Variants in UNC13C observed in about 807,000 individuals in gnomAD.
UNC13C encodes the protein unc-13 homolog C, also known as protein unc-13 homolog C.
A neutral mutation model predicts 245.4 loss-of-function variants in UNC13C; 174 were observed. The ratio of observed to expected loss-of-function variants is 0.71; its 90% CI spans 0.63 to 0.80. The LOEUF is 0.80. UNC13C is among the 30% of genes least tolerant of loss of function. UNC13C has a pLI of 0.00. For missense variants in UNC13C, 2,829 were observed against 2,602.9 expected, an observed-to-expected ratio of 1.09 and a Z score of -1.89; for synonymous variants, 992 against 895.1, an observed-to-expected ratio of 1.11 and a Z score of -1.93.
chr15:54,106,906 C>T (rs1567018789), intron 2 of UNC13C, among the ~76,000 whole-genome samples: 1 of 152,196 alleles, frequency 6.6e-6, no homozygotes, highest in Admixed American at 6.5e-5. Context: ...AGCCACATGG[C>T]AGAATACTGG....
rs543099653 is a variant in UNC13C, at chr15:54,628,132, A to C, written c.*1019A>C. On this transcript the variant is annotated 3_prime_UTR_variant, in exon 33 of 33. Coordinates refer to ENST00000260323, the MANE Select transcript of UNC13C (RefSeq NM_001080534.3). ...GCTTAAAATTTTGTAATTTGTATTT[A>C]TAAGCCCCAAATGCATCAAATGCAG... 5.3e-5 allele frequency: 8 copies of C among 152,306 alleles called. No individual in the cohort carries two copies. The highest frequency in any genetic ancestry group is 1.9e-4 in the African/African-American group (8 of 41,584). The allele number at this position is 152,306 out of a possible 1,614,324, so 9.4% of individuals were successfully genotyped here. A position where few individuals can be genotyped will look rare whatever the true frequency, so the allele number is the denominator to read the frequency against.
chr15:54,341,991 A>G lies in UNC13C; in HGVS notation c.4713+3502A>G, dbSNP rs201842184. ...ACTCTGTCTCAAAAAAAAAAAAAAAAGTAGTATTTCGCTTTGTATTTCCCA... is the reference window on the plus strand; with the variant it reads ...ACTCTGTCTCAAAAAAAAAAAAAAAGGTAGTATTTCGCTTTGTATTTCCCA... On this transcript the variant is annotated intron_variant, in intron 17 of 32. Coordinates refer to ENST00000260323, the MANE Select transcript of UNC13C (RefSeq NM_001080534.3). 4.1e-3 allele frequency among the ~76,000 whole-genome samples: 605 copies of G among 149,160 alleles called. 26 individuals carry two copies. In the East Asian group the frequency reaches 0.086, roughly 21 times the overall value.
intron 7 of UNC13C, among the ~76,000 whole-genome samples, chr15:54,249,413 T>C (rs1001366974): frequency 6.6e-6 from 1 of 152,184 alleles, no homozygotes; most frequent in African/African-American, 2.4e-5. Flanking sequence ...GATTACAAGA[T>C]TCATAAGTGG....
intron 4 of UNC13C, among the ~76,000 whole-genome samples, chr15:54,150,402 A>G (rs1404552629): frequency 6.6e-6 from 1 of 152,246 alleles, no homozygotes; most frequent in Non-Finnish European, 1.5e-5. Flanking sequence ...TCTTGATTGT[A>G]TCATGCCTGT....
At chr15:54,417,086 GTTTA>G in intron 19 of UNC13C, 1 of 394,510 alleles carries the variant, frequency 2.5e-6, no homozygotes, top group African/African-American at 2.1e-5. Flanking sequence ...GATTTTATTT[GTTTA>G]TTTGTTTGTT....
intron 4 of UNC13C, among the ~76,000 whole-genome samples, chr15:54,206,278 A>G (rs1053131129): frequency 6.6e-6 from 1 of 152,020 alleles, no homozygotes; most frequent in African/African-American, 2.4e-5. Flanking sequence ...CGCCTGCTTA[A>G]CTGATCTTCT....
chr15:54,121,969 G>GT (rs1364080815), intron 2 of UNC13C, among the ~76,000 whole-genome samples: 2 of 151,930 alleles, frequency 1.3e-5, no homozygotes, highest in African/African-American at 2.4e-5. Context: ...ATAGTGTTAA[G>GT]TTTTTTATGT....
At chr15:53,944,055 T>A in the UNC13C span, among the ~76,000 whole-genome samples, 1 of 152,008 alleles carries the variant, frequency 6.6e-6, no homozygotes, top group East Asian at 1.9e-4. Context: ...GTCATGTTTT[T>A]AAATCTACTC....
At chr15:54,603,852 G>A (rs572671729) in intron 30 of UNC13C, among the ~76,000 whole-genome samples, 1 of 152,212 alleles carries the variant, frequency 6.6e-6, no homozygotes, top group East Asian at 1.9e-4. Flanking sequence ...GACAGAGGGA[G>A]ACTCCAAAAA....
At chr15:54,344,126 G>A (rs1325333494) in intron 17 of UNC13C, among the ~76,000 whole-genome samples, 3 of 152,142 alleles carry the variant, frequency 2.0e-5, no homozygotes, top group African/African-American at 4.8e-5. Flanking sequence ...AGAGAGCTCA[G>A]AAGAGTTTGA....
At chr15:54,571,167 A>C (rs1241701725) in intron 30 of UNC13C, among the ~76,000 whole-genome samples, 1 of 152,194 alleles carries the variant, frequency 6.6e-6, no homozygotes, top group East Asian at 1.9e-4. Flanking sequence ...CATGCTGCTA[A>C]TAAAGACATA....
At chr15:54,265,044 G>C (rs1403324294) in intron 9 of UNC13C, among the ~76,000 whole-genome samples, 1 of 151,944 alleles carries the variant, frequency 6.6e-6, no homozygotes, top group East Asian at 1.9e-4. Context: ...TTTCATATAA[G>C]TGTAGGTGTA....
rs112031214 is a variant in UNC13C, at chr15:54,296,367, A to AT, written c.3989-1429dup. ...AGGCGCCTGCAACCACGGCCGGCTA[A>AT]TTTTTTTTTTTTTTTATTTTTTTTT... On this transcript the variant is annotated intron_variant, in intron 11 of 32. Transcript: ENST00000260323. 5.1e-3 allele frequency among the ~76,000 whole-genome samples: 504 copies of AT among 98,684 alleles called. 7 individuals are homozygous for AT. The highest frequency in any genetic ancestry group is 0.022 in the South Asian group (67 of 3,076). The allele number at this position is 98,684 out of a possible 152,430, so 64.7% of individuals were successfully genotyped here.
chr15:54,198,660 G>A (rs1043442655), intron 4 of UNC13C, among the ~76,000 whole-genome samples: 21 of 152,118 alleles, frequency 1.4e-4, no homozygotes, highest in Non-Finnish European at 2.4e-4. Context: ...AGGGGAAGTA[G>A]GAGAGCACCA....
intron 19 of UNC13C, among the ~76,000 whole-genome samples, chr15:54,473,818 G>A (rs959477099): frequency 6.6e-6 from 1 of 151,540 alleles, no homozygotes; most frequent in African/African-American, 2.4e-5. Context: ...TGCTTTTAGG[G>A]TATATATCAC....
At chr15:54,051,295 A>G (rs1178737358) in intron 2 of UNC13C, among the ~76,000 whole-genome samples, 1 of 152,190 alleles carries the variant, frequency 6.6e-6, no homozygotes, top group Non-Finnish European at 1.5e-5. Flanking sequence ...GACATATGGT[A>G]TAAGGAATGG....
chr15:54,477,170 CTT>C lies in UNC13C; in HGVS notation c.4934-17436_4934-17435del, dbSNP rs980804717. Reference sequence around the variant, plus strand: ...TGTACATTGATTTTGTATCCTGAGACTTTGCTGAAGTTGCTTATCTGCTTAAG... The same window carrying C: ...TGTACATTGATTTTGTATCCTGAGACTGCTGAAGTTGCTTATCTGCTTAAG... On this transcript the variant is annotated intron_variant, in intron 19 of 32. Transcript: ENST00000260323. Among the ~76,000 whole-genome samples the C allele has an allele frequency of 3.4e-5, 4 of 117,910 alleles. 1 individual carries two copies. The highest frequency in any genetic ancestry group is 1.3e-4 in the African/African-American group (4 of 30,114). 77.4% of individuals were successfully genotyped at this position (117,910 alleles called of 152,430 possible). A position where few individuals can be genotyped will look rare whatever the true frequency, so the allele number is the denominator to read the frequency against.
chr15:54,343,015 C>T (rs1217263088), intron 17 of UNC13C, among the ~76,000 whole-genome samples: 1 of 152,162 alleles, frequency 6.6e-6, no homozygotes, highest in African/African-American at 2.4e-5. Flanking sequence ...CTAATCTCTA[C>T]TTTCCATCTT....
intron 17 of UNC13C, among the ~76,000 whole-genome samples, chr15:54,338,768 C>G (rs1379196265): frequency 6.6e-6 from 1 of 152,182 alleles, no homozygotes; most frequent in African/African-American, 2.4e-5. Context: ...CTCAAGGTCA[C>G]AAGGTAGGTA....
Sources: gnomAD v4.1 joint callset for allele counts (sites outside exome capture counted in the v4.1 genomes callset) on GRCh38, gnomAD v4.1.1 for gene constraint, MANE v1.5 for transcripts, NCBI Gene and HGNC (gene_info 2026-07-23, HGNC 2026-07-21) for gene names.